REXO5: variants seen among roughly 807,000 people sequenced by gnomAD.
REXO5 encodes exonuclease NEF-sp.
REXO5 carries 48 observed loss-of-function variants against 88.5 expected under a neutral mutation model. That is an observed-to-expected ratio of 0.54 (90% CI 0.43 to 0.69). REXO5 has a LOEUF of 0.69. Among genes scored for constraint, REXO5 ranks in the 30% least tolerant of loss-of-function variants. REXO5 has a pLI of 0.00. For synonymous variants in REXO5, 311 were observed against 336.5 expected (o/e 0.92, Z 0.83); for missense variants, 749 against 912.2 (o/e 0.82, Z 2.30).
At chr16:20,828,318 T>C (rs896716289) in intron 10 of REXO5, 117 bp from the exon 11 acceptor site, 2 of 668,226 alleles carry the variant, frequency 3.0e-6, no homozygotes, top group Non-Finnish European at 5.1e-6. Flanking sequence ...ATTTTTGTGA[T>C]GCAAATCTAA....
Position 20,849,567 on chromosome 16 carries a change from GCAGA to G in REXO5, c.*91_*94del. The G allele has an allele frequency of 8.3e-7, 1 of 1,200,630 alleles. No homozygotes were observed. 74.4% of individuals were successfully genotyped at this position (1,200,630 alleles called of 1,614,324 possible). ...GGTCAGGCTGTAGCCTCCCCAACCA[GCAGA>G]CAGCTTTATGGAAACTTGGTATAGC... On this transcript the variant is annotated 3_prime_UTR_variant, in exon 20 of 20. Transcript: ENST00000261377.
intron 5 of REXO5, among the ~76,000 whole-genome samples, chr16:20,819,331 T>C (rs1452946992): frequency 1.3e-5 from 2 of 152,160 alleles, no homozygotes; most frequent in African/African-American, 2.4e-5. Context: ...CCAGAATTAT[T>C]GTAAAGCCCT....
chr16:20,806,750 G>A, intron 1 of REXO5, 45 bp downstream of exon 1: 2 of 1,012,038 alleles, frequency 2.0e-6, no homozygotes, highest in Non-Finnish European at 2.8e-6. Flanking sequence ...GAGCGGCGCG[G>A]GTGTCCAGTC....
At chr16:20,809,484 T>C (rs1028355163) in intron 2 of REXO5, among the ~76,000 whole-genome samples, 25 of 152,364 alleles carry the variant, frequency 1.6e-4, no homozygotes, top group Admixed American at 6.5e-4. Context: ...ATTCATGACT[T>C]TACTGCATTT....
At chr16:20,814,005 G>T (rs915963777) in intron 3 of REXO5, among the ~76,000 whole-genome samples, 4 of 151,840 alleles carry the variant, frequency 2.6e-5, no homozygotes, top group African/African-American at 9.7e-5. Context: ...TCTGGGGGAG[G>T]TTGTTATGAA....
chr16:20,814,639 A>C (rs1281787518), intron 3 of REXO5, among the ~76,000 whole-genome samples: 1 of 152,238 alleles, frequency 6.6e-6, no homozygotes, highest in Non-Finnish European at 1.5e-5. Flanking sequence ...AAGTGAGCTT[A>C]GTTCTGATTC....
chr16:20,828,972 A>T (rs866905252), intron 11 of REXO5, among the ~76,000 whole-genome samples: 2 of 151,896 alleles, frequency 1.3e-5, no homozygotes, highest in Middle Eastern at 3.4e-3. Context: ...AGAAAATGGC[A>T]GTGTGATTGA....
chr16:20,839,696 C>T (rs2081495471), intron 13 of REXO5, 59 bp from the exon 14 acceptor site: 1 of 1,095,894 alleles, frequency 9.1e-7, no homozygotes, highest in Non-Finnish European at 1.3e-6. Flanking sequence ...GGCTCATATC[C>T]AGGAGCCACA....
At chr16:20,818,290 TG>T (rs1178630645) in intron 5 of REXO5, among the ~76,000 whole-genome samples, 2 of 152,228 alleles carry the variant, frequency 1.3e-5, no homozygotes, top group Non-Finnish European at 2.9e-5. Flanking sequence ...TGAGGAATTT[TG>T]TTGGTTTTGT....
In REXO5 at chr16:20,806,611, G is replaced by T. The variant is rs745908084; in HGVS notation, c.-97G>T. The T allele has an allele frequency of 2.8e-6, 4 of 1,406,974 alleles. No individual in the cohort carries two copies. The highest frequency in any genetic ancestry group is 3.7e-6 in the Non-Finnish European group (4 of 1,070,616). The allele number at this position is 1,406,974 out of a possible 1,614,324, so 87.2% of individuals were successfully genotyped here. On this transcript the variant is annotated 5_prime_UTR_variant, in exon 1 of 20. Coordinates refer to ENST00000261377, the MANE Select transcript of REXO5 (RefSeq NM_030941.3). ...TGCGTTTCCCGGGCTAGGGGGCGTG[G>T]GGAGTGGTTTTAGGCGGCGAAGCCG...
intron 5 of REXO5, among the ~76,000 whole-genome samples, chr16:20,819,995 A>G (rs770197285): frequency 7.2e-5 from 11 of 152,044 alleles, no homozygotes; most frequent in Non-Finnish European, 1.2e-4. Context: ...GACTCAAGCA[A>G]TCCTCTTGCC....
chr16:20,826,722 T>G (rs1440702759), intron 8 of REXO5, among the ~76,000 whole-genome samples: 1 of 152,260 alleles, frequency 6.6e-6, no homozygotes, highest in Non-Finnish European at 1.5e-5. Flanking sequence ...AAGGATGTGC[T>G]AAATAGATTT....
chr16:20,828,467 A>G lies in REXO5; in HGVS notation c.1088A>G (p.His363Arg). The change falls in exon 11 of 20, where the codon CAT (histidine) becomes CGT (arginine). Residue 363 changes from histidine to arginine, a missense_variant. Physicochemically the swap from His to Arg is conservative, Grantham distance 29 (BLOSUM62 0). Transcript: ENST00000261377. Reference protein sequence around the residue: ...KDIQCPDRLGHDATEDARTIL... With the variant: ...KDIQCPDRLGRDATEDARTIL... The stretch of plus-strand genomic sequence containing the variant: ...ATACAGTGTCCAGACAGACTTGGTC[A>G]TGATGCCACAGAAGATGCTAGAACA... The G allele has an allele frequency of 6.2e-7, 1 of 1,613,950 alleles. No individual in the cohort carries two copies. The highest frequency in any genetic ancestry group is 8.5e-7 in the Non-Finnish European group (1 of 1,179,844).
Position 20,819,421 on chromosome 16 carries a change from CCTTTCTTTTCTTT to C in REXO5, c.476-2332_476-2320del, listed in dbSNP as rs1426250340. Among the ~76,000 whole-genome samples, 3 of 146,926 alleles carry C rather than the reference CCTTTCTTTTCTTT, an allele frequency of 2.0e-5. No individual in the cohort carries two copies. The East Asian group carries it at 5.9e-4, about 29-fold the overall frequency. ...TCCTTTCTTTTCCTTTCCTTTCCTT[CCTTTCTTTTCTTT>C]CTTTCTTTCCTCCTTTTTTTTTTTT... On this transcript the variant is annotated intron_variant, in intron 5 of 19. Coordinates refer to ENST00000261377, the MANE Select transcript of REXO5 (RefSeq NM_030941.3).
chr16:20,830,990 G>GTTTTTTTTTTTTTTTTTT (rs11337519), intron 11 of REXO5, among the ~76,000 whole-genome samples: 2 of 97,076 alleles, frequency 2.1e-5, no homozygotes, highest in African/African-American at 7.7e-5. Flanking sequence ...TTCTTTTTCT[G>GTTTTTTTTTTTTTTTTTT]TTTTTTTTTT....
At chr16:20,810,295 A>G (rs2080976758) in intron 2 of REXO5, among the ~76,000 whole-genome samples, 2 of 152,248 alleles carry the variant, frequency 1.3e-5, no homozygotes, top group South Asian at 2.1e-4. Flanking sequence ...ACACACACAC[A>G]TACTTACATT....
intron 14 of REXO5, 74 bp from the exon 15 acceptor site, chr16:20,840,257 C>A: frequency 1.6e-6 from 2 of 1,276,576 alleles, no homozygotes; most frequent in South Asian, 2.0e-5. Context: ...GTGAATAATC[C>A]CATGCATTGA....
intron 13 of REXO5, among the ~76,000 whole-genome samples, chr16:20,837,548 A>G (rs1008594786): frequency 2.6e-5 from 4 of 151,978 alleles, no homozygotes; most frequent in African/African-American, 9.7e-5. Flanking sequence ...AATTCTTTCC[A>G]TGCTTTTCAT....
chr16:20,823,017 T>G (rs558475213), intron 6 of REXO5, among the ~76,000 whole-genome samples: 1 of 152,352 alleles, frequency 6.6e-6, no homozygotes, highest in African/African-American at 2.4e-5. Context: ...GCATATGAGG[T>G]TTCCAGTTCC....
Sources: gnomAD v4.1 joint callset for allele counts (sites outside exome capture counted in the v4.1 genomes callset) on GRCh38, gnomAD v4.1.1 for gene constraint, MANE v1.5 for transcripts, NCBI Gene and HGNC (gene_info 2026-07-23, HGNC 2026-07-21) for gene names.